Variants in RIPOR3 observed in about 807,000 individuals in gnomAD.
RIPOR3 encodes family with sequence similarity 65 member C.
In RIPOR3, 95 loss-of-function variants were observed where a neutral mutation model predicts 114.3. The ratio of observed to expected loss-of-function variants is 0.83; its 90% confidence interval spans 0.70 to 0.99. The LOEUF is 0.99. RIPOR3 is among the 50% of genes least tolerant of loss of function. The pLI, the probability that RIPOR3 is intolerant of heterozygous loss-of-function variation, is 0.00. For missense variants in RIPOR3, 1,252 were observed against 1,266.9 expected, an observed-to-expected ratio of 0.99 and a Z score of 0.18; for synonymous variants, 575 against 543.8, an observed-to-expected ratio of 1.06 and a Z score of -0.80.
intron 14 of RIPOR3, 58 bp downstream of exon 14, chr20:50,597,507 AGGAAACGTGGAGCTC>A (rs1299311154): frequency 6.5e-7 from 1 of 1,541,018 alleles, no homozygotes; most frequent in African/African-American, 1.4e-5. Context: ...GGAGGCTGGC[AGGAAACGTGGAGCTC>A]GGGTCACCCG....
intron 13 of RIPOR3, among the ~76,000 whole-genome samples, chr20:50,599,963 C>T (rs8125216): frequency 0.018 from 2,799 of 151,950 alleles, 43 homozygotes; most frequent in African/African-American, 0.04. Flanking sequence ...TGCATTGGTG[C>T]GATCTTGGCT....
intron 13 of RIPOR3, among the ~76,000 whole-genome samples, chr20:50,600,530 A>C (rs915325606): frequency 6.6e-6 from 1 of 152,222 alleles, no homozygotes; most frequent in Non-Finnish European, 1.5e-5. Flanking sequence ...AGGCTGAGGC[A>C]CGAGGATTGC....
chr20:50,653,221 AGGTAT>A (rs1398321441), intron 1 of RIPOR3: 1 of 152,188 alleles, frequency 6.6e-6, no homozygotes, highest in Non-Finnish European at 1.5e-5. Flanking sequence ...AGGCCACAGA[AGGTAT>A]GGCTCCACGG....
intron 2 of RIPOR3, 83 bp from the exon 3 acceptor site, chr20:50,620,215 T>C: frequency 6.5e-7 from 1 of 1,539,280 alleles, no homozygotes; most frequent in Non-Finnish European, 8.8e-7. Flanking sequence ...TTGGAAATAG[T>C]GACCAGAGCC....
intron 2 of RIPOR3, among the ~76,000 whole-genome samples, chr20:50,626,750 G>A (rs970525616): frequency 2.0e-5 from 3 of 152,160 alleles, no homozygotes; most frequent in East Asian, 3.9e-4. Flanking sequence ...GGCCAGGCGC[G>A]GTGGCTCACG....
At chr20:50,593,627 C>A (rs1198078840) in intron 17 of RIPOR3, among the ~76,000 whole-genome samples, 1 of 152,158 alleles carries the variant, frequency 6.6e-6, no homozygotes, top group African/African-American at 2.4e-5. Context: ...ACTGCATTCC[C>A]TGTGCTGTAG....
chr20:50,588,291 C>T (rs1282412312), intron 20 of RIPOR3, among the ~76,000 whole-genome samples: 1 of 152,278 alleles, frequency 6.6e-6, no homozygotes, highest in African/African-American at 2.4e-5. Context: ...GCTGCTCCTG[C>T]AGGCCAAGGA....
At chr20:50,620,537 G>T (rs2084359094) in intron 2 of RIPOR3, among the ~76,000 whole-genome samples, 1 of 152,118 alleles carries the variant, frequency 6.6e-6, no homozygotes, top group African/African-American at 2.4e-5. Flanking sequence ...TGAGGCACAA[G>T]AATCGCTTGA....
At chr20:50,587,420 G>T in intron 21 of RIPOR3, 88 bp from the exon 22 acceptor site, 4 of 1,116,984 alleles carry the variant, frequency 3.6e-6, no homozygotes, top group Non-Finnish European at 2.7e-6. Context: ...AGTGCTTAGT[G>T]ACTGTGGGTC....
Position 50,608,472 on chromosome 20 carries a change from G to A in RIPOR3, c.873C>T (p.Asp291=), listed in dbSNP as rs1278113992. The A allele has an allele frequency of 1.2e-6, 2 of 1,613,958 alleles. No individual in the cohort carries two copies. Among genetic ancestry groups the A allele is most frequent in the Non-Finnish European group, 1.7e-6 (2 of 1,179,928 alleles). Residue 291 remains aspartate, a synonymous_variant, in exon 11 of 22, where the codon GAC becomes GAT. Coordinates refer to ENST00000327979, the MANE Select transcript of RIPOR3 (RefSeq NM_001290268.2). ...TGACCTGCGGCCGCGTCGTGAAGAA[G>A]TCGGCGATGTCACACGTCACTGCAC... ...AVGAVTCDIA[D]FFTTRPQVIV...
chr20:50,602,675 A>C lies in RIPOR3; in HGVS notation c.1087-31T>G, dbSNP rs2083549285. 1 of 1,420,052 alleles carries C rather than the reference A, an allele frequency of 7.0e-7. No homozygotes were observed. The allele number at this position is 1,420,052 out of a possible 1,614,324, so 88.0% of individuals were successfully genotyped here. A position where few individuals can be genotyped will look rare whatever the true frequency, so the allele number is the denominator to read the frequency against. ...GAGGGGACACGGGAGCGGCCTCACCAGCCACCCCAGGGACCACAGCAAGTC... is the reference window on the plus strand; with the variant it reads ...GAGGGGACACGGGAGCGGCCTCACCCGCCACCCCAGGGACCACAGCAAGTC... On this transcript the variant is annotated intron_variant, in intron 12 of 21. Coordinates refer to ENST00000327979, the MANE Select transcript of RIPOR3 (RefSeq NM_001290268.2). This position sits in a 1 kb window ranked among gnomAD's most constrained non-coding sequence, Gnocchi z 4.3.
chr20:50,599,196 A>G (rs1221309105), intron 13 of RIPOR3, among the ~76,000 whole-genome samples: 1 of 152,152 alleles, frequency 6.6e-6, no homozygotes, highest in African/African-American at 2.4e-5. Context: ...GTTCAAGACC[A>G]GCCTAGCCAA....
intron 1 of RIPOR3, among the ~76,000 whole-genome samples, chr20:50,671,981 CGTGGATGGATGG>C (rs1205325465): frequency 0.036 from 1,261 of 34,556 alleles, 8 homozygotes; most frequent in Non-Finnish European, 0.053. Context: ...TGGATGGGTG[CGTGGATGGATGG>C]ATGGATGGAT....
intron 1 of RIPOR3, among the ~76,000 whole-genome samples, chr20:50,643,858 C>T (rs898559409): frequency 5.9e-5 from 9 of 151,916 alleles, no homozygotes; most frequent in South Asian, 2.1e-4. Context: ...GGACTACAGG[C>T]GCCCGCCACT....
rs2083160339 is a variant in RIPOR3, at chr20:50,592,911, G to T, written c.2374+124C>A. On this transcript the variant is annotated intron_variant, in intron 18 of 21. Coordinates refer to ENST00000327979, the MANE Select transcript of RIPOR3 (RefSeq NM_001290268.2). ...CTGAACGCAGAATCTCATTAAATCG[G>T]GGTTCCCAAAAGAACAGTTGGCGGG... 4.8e-6 allele frequency: 6 copies of T among 1,240,634 alleles called. No homozygotes were observed. The Admixed American group carries it at 1.0e-4, about 22-fold the overall frequency. 76.9% of individuals were successfully genotyped at this position (1,240,634 alleles called of 1,614,324 possible).
chr20:50,592,625 G>T, intron 18 of RIPOR3, 79 bp from the exon 19 acceptor site: 1 of 1,275,864 alleles, frequency 7.8e-7, no homozygotes, highest in South Asian at 1.8e-5. Context: ...CTTGGCTGCT[G>T]CCAGTAGCCA....
chr20:50,592,551 A>G lies in RIPOR3; in HGVS notation c.2375-5T>C. 6.6e-7 allele frequency: 1 copy of G among 1,515,808 alleles called. No homozygotes were observed. Among genetic ancestry groups the G allele is most frequent in the East Asian group, 2.4e-5 (1 of 41,514 alleles). 93.9% of individuals were successfully genotyped at this position (1,515,808 alleles called of 1,614,324 possible). On this transcript the variant is annotated splice_polypyrimidine_tract_variant and splice_region_variant and intron_variant, in intron 18 of 21. Transcript: ENST00000327979. Reference sequence around the variant, plus strand: ...GAAGCTCCTCGATGAGTGTCACTAGAAGACAGGAAAGAGGTGGGCCCAGGT... The same window carrying G: ...GAAGCTCCTCGATGAGTGTCACTAGGAGACAGGAAAGAGGTGGGCCCAGGT...
chr20:50,587,724 AG>A, intron 21 of RIPOR3, 77 bp downstream of exon 21: 1 of 1,406,202 alleles, frequency 7.1e-7, no homozygotes, highest in Non-Finnish European at 1.0e-6. Context: ...GCCTGCTGGG[AG>A]AGCTGGGTGT....
chr20:50,686,619 G>C (rs1024156772), intron 1 of RIPOR3, among the ~76,000 whole-genome samples: 1 of 151,712 alleles, frequency 6.6e-6, no homozygotes, highest in African/African-American at 2.4e-5. Flanking sequence ...TGTGGTGGTG[G>C]GCACCTGTAG....
Sources: gnomAD v4.1 joint callset for allele counts (sites outside exome capture counted in the v4.1 genomes callset) on GRCh38, gnomAD v4.1.1 for gene constraint, Gnocchi (gnomAD v3.1) non-coding constraint, MANE v1.5 for transcripts, NCBI Gene and HGNC (gene_info 2026-07-23, HGNC 2026-07-21) for gene names.